Variants in DENND2A observed in about 807,000 individuals in gnomAD.
DENND2A encodes DENN domain-containing protein 2A.
In DENND2A, 53 loss-of-function variants were observed where a neutral mutation model predicts 105.3. The ratio of observed to expected loss-of-function variants is 0.50; its 90% confidence interval spans 0.40 to 0.63. The LOEUF (loss-of-function observed/expected upper bound fraction) is 0.63, where lower values mean the gene tolerates loss of function less well. DENND2A is among the 30% of genes least tolerant of loss of function. The pLI is 0.00. For missense variants in DENND2A, 1,138 were observed against 1,279.6 expected, an observed-to-expected ratio of 0.89 and a Z score of 1.69; for synonymous variants, 522 against 508.4, an observed-to-expected ratio of 1.03 and a Z score of -0.36.
intron 7 of DENND2A, among the ~76,000 whole-genome samples, chr7:140,569,432 G>C (rs781551276): frequency 2.6e-5 from 4 of 152,160 alleles, no homozygotes; most frequent in Non-Finnish European, 5.9e-5. Context: ...GGCTGACTTG[G>C]TGGTGGACCA....
intron 1 of DENND2A, among the ~76,000 whole-genome samples, chr7:140,631,964 G>C (rs2130738575): frequency 6.6e-6 from 1 of 152,232 alleles, no homozygotes; most frequent in East Asian, 1.9e-4. Flanking sequence ...CAAGTTCTAT[G>C]TCTTAGGCTG....
At chr7:140,558,669 C>T (rs112512507) in intron 10 of DENND2A, among the ~76,000 whole-genome samples, 4,587 of 143,778 alleles carry the variant, frequency 0.032, 251 homozygotes, top group African/African-American at 0.11. Context: ...ACACTCCAGC[C>T]TGGGGGAAGA....
At chr7:140,594,643 T>A (rs1177381221) in intron 3 of DENND2A, among the ~76,000 whole-genome samples, 1 of 152,218 alleles carries the variant, frequency 6.6e-6, no homozygotes, top group Non-Finnish European at 1.5e-5. Context: ...TCTCCGTCTA[T>A]CTCGCTCATT....
chr7:140,534,579 C>T (rs964265688), intron 14 of DENND2A, among the ~76,000 whole-genome samples: 1 of 152,102 alleles, frequency 6.6e-6, no homozygotes, highest in Non-Finnish European at 1.5e-5. Flanking sequence ...TGTGAAGGCC[C>T]GAGGAGCCCT....
intron 13 of DENND2A, 68 bp from the exon 14 acceptor site, chr7:140,544,834 G>T (rs375674643): frequency 3.9e-6 from 6 of 1,545,350 alleles, no homozygotes; most frequent in East Asian, 4.9e-5. Context: ...CACGGGTGTC[G>T]CAGTCCCAGG....
chr7:140,640,941 A>G (rs1163128452), upstream of DENND2A, among the ~76,000 whole-genome samples: 4 of 150,314 alleles, frequency 2.7e-5, no homozygotes, highest in Non-Finnish European at 5.9e-5. The surrounding 1 kb of genome is among the most constrained non-coding windows in gnomAD (Gnocchi z 4.9). Context: ...GAGCTGCGGT[A>G]AACAGGACCT....
At chr7:140,636,684 CTTTT>C (rs35563637) in intron 1 of DENND2A, among the ~76,000 whole-genome samples, 17 of 98,358 alleles carry the variant, frequency 1.7e-4, no homozygotes, top group Non-Finnish European at 2.7e-4. Flanking sequence ...CCTCCCCAGC[CTTTT>C]TTTTTTTTTT....
At position 140,527,573 on chromosome 7, in the gene DENND2A, C is replaced by G. The variant is rs1266828381; in HGVS notation, c.2328-78G>C. On this transcript the variant is annotated intron_variant, in intron 14 of 19. Coordinates refer to ENST00000496613, the MANE Select transcript of DENND2A (RefSeq NM_015689.5). This position sits in a 1 kb window ranked among gnomAD's most constrained non-coding sequence, Gnocchi z 4.9. ...AAGCCTCCAGGGGAGAAGGCTCCTC[C>G]CAGAGACAGGATGACTAGGAAAGGA... is the stretch of plus-strand genomic sequence containing the variant. The G allele has an allele frequency of 2.1e-6, 3 of 1,417,702 alleles. No individual in the cohort carries two copies. The highest frequency in any genetic ancestry group is 2.8e-6 in the Non-Finnish European group (3 of 1,058,164). 87.8% of individuals were successfully genotyped at this position (1,417,702 alleles called of 1,614,324 possible). A position where few individuals can be genotyped will look rare whatever the true frequency, so the allele number is the denominator to read the frequency against.
At chr7:140,520,719 C>A (rs1400846299) in intron 18 of DENND2A, among the ~76,000 whole-genome samples, 1 of 139,738 alleles carries the variant, frequency 7.2e-6, no homozygotes, top group African/African-American at 2.7e-5. Context: ...CCACCATGCC[C>A]AGCTAATTTT....
At chr7:140,589,597 G>C (rs1302741535) in intron 3 of DENND2A, among the ~76,000 whole-genome samples, 1 of 152,178 alleles carries the variant, frequency 6.6e-6, no homozygotes, top group Non-Finnish European at 1.5e-5. Context: ...AGAGAGAAAG[G>C]GGCTGTAGCT....
chr7:140,634,723 C>T (rs1800856639), intron 1 of DENND2A, among the ~76,000 whole-genome samples: 1 of 151,860 alleles, frequency 6.6e-6, no homozygotes, highest in Non-Finnish European at 1.5e-5. Flanking sequence ...AATACAAAAA[C>T]TAGCCAGGTG....
At position 140,573,937 on chromosome 7, in the gene DENND2A, C is replaced by T. The variant is rs771437260; in HGVS notation, c.1317G>A (p.Arg439=). ...ACCCAGTTCCATCCCGACTCAGCTT[C>T]CTAGTGTCCAGCAGCTTGAAGTTCC... ...ERRNFKLLDT[R]KLSRDGTGSP... is the part of the protein sequence containing the mutation. The change falls in exon 6 of 20, where the codon AGG becomes AGA. Residue 439 remains arginine, a synonymous_variant. Transcript: ENST00000496613. 1 of 1,614,134 alleles carries T rather than the reference C, an allele frequency of 6.2e-7. No individual in the cohort carries two copies. Among genetic ancestry groups the T allele is most frequent in the South Asian group, 1.1e-5 (1 of 91,076 alleles).
rs564034547 is a variant in DENND2A at position 140,602,143 on chromosome 7, A to G, written c.255T>C (p.Ser85=). 2 of 1,613,374 alleles carry G rather than the reference A, an allele frequency of 1.2e-6. No individual in the cohort carries two copies. Among genetic ancestry groups the G allele is most frequent in the South Asian group, 1.1e-5 (1 of 91,050 alleles). The change falls in exon 3 of 20, where the codon AGT becomes AGC. Residue 85 remains serine, a synonymous_variant. Transcript: ENST00000496613. ...CTGTGACCTGAGTTCTCACCCCATC[A>G]CTACTCCTCCTCTCCACCGTAGAGG... ...LPSSTVERRS[S]DGVRTQVTEA...
chr7:140,527,277 G>A lies in DENND2A; in HGVS notation c.2505+41C>T, dbSNP rs377015181. ...GAGCCAGCGCCCCGCTCTGTTCTCC[G>A]CACCCTGCAGGGAGGGGGACAGGGC... is the stretch of plus-strand genomic sequence containing the variant. On this transcript the variant is annotated intron_variant, in intron 15 of 19. Transcript: ENST00000496613. This position sits in a 1 kb window ranked among gnomAD's most constrained non-coding sequence, Gnocchi z 4.9. 27 of 1,523,902 alleles carry A rather than the reference G, an allele frequency of 1.8e-5. No homozygotes were observed. Among genetic ancestry groups the A allele is most frequent in the African/African-American group, 1.2e-4 (9 of 72,950 alleles). 94.4% of individuals were successfully genotyped at this position (1,523,902 alleles called of 1,614,324 possible).
chr7:140,545,191 T>TA (rs1205383416), intron 13 of DENND2A, among the ~76,000 whole-genome samples: 1 of 152,160 alleles, frequency 6.6e-6, no homozygotes, highest in East Asian at 1.9e-4. Context: ...GAGGAACTGT[T>TA]ACCTGCTAGG....
At chr7:140,610,800 G>T (rs1199379902) in intron 1 of DENND2A, among the ~76,000 whole-genome samples, 1 of 152,216 alleles carries the variant, frequency 6.6e-6, no homozygotes, top group East Asian at 1.9e-4. Flanking sequence ...AAGAGAAGCG[G>T]GCTATGCCTG....
In DENND2A at chr7:140,518,918, C is replaced by T. The variant is rs1421334230; in HGVS notation, c.2999-180G>A. ...TTCTTTCCAGAGATCCCCGTGGGGTCTTCCTCAGACTTGAGGGGGTTTGAA... is the reference window on the plus strand; with the variant it reads ...TTCTTTCCAGAGATCCCCGTGGGGTTTTCCTCAGACTTGAGGGGGTTTGAA... On this transcript the variant is annotated intron_variant, in intron 19 of 19. Coordinates refer to ENST00000496613, the MANE Select transcript of DENND2A (RefSeq NM_015689.5). Among the ~76,000 whole-genome samples, 8 of 152,166 alleles carry T rather than the reference C, an allele frequency of 5.3e-5. No individual in the cohort carries two copies. The East Asian group carries it at 1.5e-3, about 29-fold the overall frequency.
At chr7:140,624,541 G>A (rs1217049947) in intron 1 of DENND2A, among the ~76,000 whole-genome samples, 1 of 152,164 alleles carries the variant, frequency 6.6e-6, no homozygotes, top group Non-Finnish European at 1.5e-5. Flanking sequence ...GGTGGCAGAG[G>A]TAGAAGCAGA....
intron 3 of DENND2A, among the ~76,000 whole-genome samples, chr7:140,588,876 G>A (rs1174140997): frequency 6.6e-6 from 1 of 151,140 alleles, no homozygotes; most frequent in Non-Finnish European, 1.5e-5. Context: ...CCGAGGAGCT[G>A]GGATTACATG....
Sources: allele counts gnomAD v4.1 joint callset (sites outside exome capture counted in the v4.1 genomes callset), GRCh38; gene constraint gnomAD v4.1.1; non-coding constraint Gnocchi (gnomAD v3.1); transcripts MANE v1.5; gene names NCBI Gene and HGNC (gene_info 2026-07-23, HGNC 2026-07-21).